Variants in JAK2 observed in about 807,000 individuals in gnomAD.
JAK2 encodes tyrosine-protein kinase JAK2.
Under a neutral mutation model 139.3 loss-of-function variants are expected in JAK2, and 86 were observed. The observed-to-expected ratio is 0.62, with a 90% CI of 0.52 to 0.74. JAK2 has a LOEUF of 0.74. Among genes scored for constraint, JAK2 ranks in the 30% least tolerant of loss-of-function variants. The probability of loss-of-function intolerance (pLI) is 0.00; values close to 1 mark genes in which losing one functional copy is unlikely to be tolerated. For missense variants in JAK2, 1,421 were observed against 1,360.3 expected (o/e 1.04, Z -0.70); for synonymous variants, 490 against 437.7 (o/e 1.12, Z -1.49).
chr9:5,040,996 A>C, intron 4 of JAK2: 1 of 639,000 alleles, frequency 1.6e-6, no homozygotes, highest in Non-Finnish European at 2.9e-6. Context: ...GGAGCTGATC[A>C]AGTTCCGGAC....
chr9:5,111,005 A>T, intron 22 of JAK2: 1 of 720,340 alleles, frequency 1.4e-6, no homozygotes. Flanking sequence ...CCCGTTGCCA[A>T]CGGGAAGGGC....
chr9:5,085,371 A>C (rs2130642241), intron 19 of JAK2: 3 of 901,692 alleles, frequency 3.3e-6, no homozygotes, highest in Non-Finnish European at 3.7e-6. Context: ...AGGTGATCTC[A>C]TGCACCACTG....
intron 8 of JAK2, among the ~76,000 whole-genome samples, chr9:5,059,791 G>T (rs898853903): frequency 6.6e-6 from 1 of 152,052 alleles, no homozygotes; most frequent in Non-Finnish European, 1.5e-5. Flanking sequence ...TCATTGCCCT[G>T]GTGAGTAATG....
intron 19 of JAK2, among the ~76,000 whole-genome samples, chr9:5,087,934 T>C (rs1230184361): frequency 6.6e-6 from 1 of 152,226 alleles, no homozygotes; most frequent in Admixed American, 6.5e-5. Flanking sequence ...TGTGACAATA[T>C]ACAATAATTA....
chr9:5,010,568 G>A (rs926475220), intron 2 of JAK2, among the ~76,000 whole-genome samples: 5 of 152,102 alleles, frequency 3.3e-5, no homozygotes, highest in Non-Finnish European at 7.4e-5. Flanking sequence ...TGATTCACCC[G>A]CCTCGGCCTC....
intron 24 of JAK2, 28 bp downstream of exon 24, chr9:5,126,474 G>T: frequency 6.9e-7 from 1 of 1,441,980 alleles, no homozygotes; most frequent in Non-Finnish European, 9.7e-7. Context: ...ATCCAGGGTA[G>T]TCATGCATTT....
At chr9:5,091,280 T>C (rs992404178) in intron 22 of JAK2, 1 of 159,960 alleles carries the variant, frequency 6.3e-6, no homozygotes, top group Non-Finnish European at 1.4e-5. Context: ...TTGGGTGGTA[T>C]AATGGTTATT....
At chr9:5,080,453 T>C in intron 17 of JAK2, 73 bp downstream of exon 17, 1 of 1,539,822 alleles carries the variant, frequency 6.5e-7, no homozygotes, top group Non-Finnish European at 8.8e-7. Context: ...GATTTGTATT[T>C]TTTAGCCCAT....
chr9:5,005,638 C>T (rs965934581), intron 2 of JAK2, among the ~76,000 whole-genome samples: 1 of 151,840 alleles, frequency 6.6e-6, no homozygotes, highest in Non-Finnish European at 1.5e-5. Flanking sequence ...TTTTCATGTC[C>T]TTACATATTT....
intron 22 of JAK2, among the ~76,000 whole-genome samples, chr9:5,113,284 T>G (rs2130810257): frequency 1.4e-5 from 2 of 144,494 alleles, no homozygotes; most frequent in South Asian, 4.4e-4. Flanking sequence ...AAAAAATGCC[T>G]TAACTATAAA....
In JAK2 at chr9:4,998,008, G is replaced by A. The variant is rs941810459; in HGVS notation, c.-26+11986G>A. On this transcript the variant is annotated intron_variant, in intron 2 of 24. Coordinates refer to ENST00000381652, the MANE Select transcript of JAK2 (RefSeq NM_004972.4). ...TATTCAGTGTTCTTCTAGCATGGCA[G>A]TATTTTAAAAATCATTATGAGCTTA... is the stretch of plus-strand genomic sequence containing the variant. Among the ~76,000 whole-genome samples the A allele has an allele frequency of 9.2e-5, 14 of 152,004 alleles. No individual in the cohort carries two copies. The East Asian group carries it at 2.3e-3, about 25-fold the overall frequency.
At chr9:5,086,054 A>G in intron 19 of JAK2, 1 of 729,290 alleles carries the variant, frequency 1.4e-6, no homozygotes, top group Non-Finnish European at 2.5e-6. Flanking sequence ...GCTTCACAAG[A>G]TTAAAATAGG....
intron 3 of JAK2, among the ~76,000 whole-genome samples, chr9:5,028,447 T>C (rs1482981189): frequency 6.6e-6 from 1 of 152,192 alleles, no homozygotes; most frequent in East Asian, 1.9e-4. Flanking sequence ...TGGCCATAGA[T>C]TTTCAGAATG....
chr9:5,089,340 A>G (rs1820380626), intron 19 of JAK2, among the ~76,000 whole-genome samples: 1 of 151,982 alleles, frequency 6.6e-6, no homozygotes. Flanking sequence ...AGATCAAGAC[A>G]ATCCTGGCTA....
intron 5 of JAK2, among the ~76,000 whole-genome samples, chr9:5,045,036 A>T (rs1192489911): frequency 6.6e-6 from 1 of 152,218 alleles, no homozygotes; most frequent in Admixed American, 6.5e-5. Flanking sequence ...TTTGTTCACT[A>T]ATACAGTTAT....
chr9:5,126,112 AT>A, intron 23 of JAK2: 1 of 396,738 alleles, frequency 2.5e-6, no homozygotes. Flanking sequence ...TCCTCAGGGG[AT>A]TTGTGTTGAG....
intron 8 of JAK2, 53 bp from the exon 9 acceptor site, chr9:5,064,830 A>T: frequency 6.7e-6 from 9 of 1,345,036 alleles, no homozygotes; most frequent in Non-Finnish European, 8.0e-6. Context: ...TCAATATTTA[A>T]CATGGAGTTG....
chr9:5,048,411 G>C (rs1029304365), intron 5 of JAK2, among the ~76,000 whole-genome samples: 1 of 152,122 alleles, frequency 6.6e-6, no homozygotes, highest in East Asian at 1.9e-4. Flanking sequence ...AAAGTGCTGG[G>C]ATTACAGGTG....
At chr9:5,087,594 C>A (rs534132043) in intron 19 of JAK2, among the ~76,000 whole-genome samples, 1 of 152,230 alleles carries the variant, frequency 6.6e-6, no homozygotes, top group East Asian at 1.9e-4. Context: ...TAGAGGCATT[C>A]CGAATTAAAA....
Sources: gnomAD v4.1 joint callset for allele counts (sites outside exome capture counted in the v4.1 genomes callset) on GRCh38, gnomAD v4.1.1 for gene constraint, MANE v1.5 for transcripts, NCBI Gene and HGNC (gene_info 2026-07-23, HGNC 2026-07-21) for gene names.